TAFA4: variants seen among roughly 807,000 people sequenced by gnomAD.
TAFA4 encodes the protein chemokine-like protein TAFA-4.
Under a neutral mutation model 21.1 loss-of-function variants are expected in TAFA4, and 20 were observed. The ratio of observed to expected loss-of-function variants is 0.95; its 90% confidence interval spans 0.67 to 1.38. The LOEUF is 1.38. TAFA4 is among the 40% of genes most tolerant of loss of function. The probability of loss-of-function intolerance (pLI) is 0.00; values close to 1 mark genes in which losing one functional copy is unlikely to be tolerated. For synonymous variants in TAFA4, 71 were observed against 67.4 expected, an observed-to-expected ratio of 1.05 and a Z score of -0.26; for missense variants, 211 against 180.9, an observed-to-expected ratio of 1.17 and a Z score of -0.95.
At chr3:68,795,627 C>G (rs1232640967) in intron 3 of TAFA4, among the ~76,000 whole-genome samples, 3 of 152,116 alleles carry the variant, frequency 2.0e-5, no homozygotes, top group Non-Finnish European at 4.4e-5. Flanking sequence ...ATCTTGCCAC[C>G]ACATGGAACC....
intron 1 of TAFA4, among the ~76,000 whole-genome samples, chr3:68,886,630 T>C (rs1317810373): frequency 6.6e-6 from 1 of 152,048 alleles, no homozygotes; most frequent in Non-Finnish European, 1.5e-5. Flanking sequence ...GATCCATCAG[T>C]GGAAAGTAAT....
chr3:68,768,398 G>A (rs1455710732), intron 3 of TAFA4, among the ~76,000 whole-genome samples: 1 of 152,084 alleles, frequency 6.6e-6, no homozygotes. Context: ...GCCACAATGA[G>A]ACATCACCTC....
rs1358968037 is a variant in TAFA4, at chr3:68,821,344, T to C, written c.130+59386A>G. On this transcript the variant is annotated intron_variant, in intron 3 of 5. Transcript: ENST00000295569. Reference sequence around the variant, plus strand: ...CTCCCTGCTTTTTTTTTTTTTTTTTTTTTTTTTTTTTTTTTTTTTTTTGAG... The same window carrying C: ...CTCCCTGCTTTTTTTTTTTTTTTTTCTTTTTTTTTTTTTTTTTTTTTTGAG... Among the ~76,000 whole-genome samples the C allele has an allele frequency of 2.3e-4, 3 of 13,178 alleles. 1 individual carries two copies. The highest frequency in any genetic ancestry group is 8.4e-4 in the African/African-American group (2 of 2,374). 8.6% of individuals were successfully genotyped at this position (13,178 alleles called of 152,430 possible). A position where few individuals can be genotyped will look rare whatever the true frequency, so the allele number is the denominator to read the frequency against.
intron 1 of TAFA4, among the ~76,000 whole-genome samples, chr3:68,897,000 T>G (rs2089797132): frequency 6.6e-6 from 1 of 152,166 alleles, no homozygotes; most frequent in Non-Finnish European, 1.5e-5. Flanking sequence ...GCCTCCGGGT[T>G]TAAGTGATTC....
intron 1 of TAFA4, among the ~76,000 whole-genome samples, chr3:68,924,879 C>G (rs540391872): frequency 1.3e-5 from 2 of 152,246 alleles, no homozygotes; most frequent in Admixed American, 6.5e-5. Context: ...CTCTCTAACC[C>G]CCACTGGTAG....
chr3:68,746,928 G>GT (rs1054710966), intron 4 of TAFA4, among the ~76,000 whole-genome samples: 1 of 152,174 alleles, frequency 6.6e-6, no homozygotes, highest in African/African-American at 2.4e-5. Flanking sequence ...CCTGTACATT[G>GT]TAAGATGTAA....
At chr3:68,831,022 T>C (rs1175431754) in intron 3 of TAFA4, among the ~76,000 whole-genome samples, 1 of 152,232 alleles carries the variant, frequency 6.6e-6, no homozygotes, top group Admixed American at 6.5e-5. Flanking sequence ...CCTGTTTTTT[T>C]CTGCTTTCCA....
chr3:68,753,038 A>T lies in TAFA4; in HGVS notation c.131-20T>A. 6.2e-7 allele frequency: 1 copy of T among 1,608,680 alleles called. No homozygotes were observed. The highest frequency in any genetic ancestry group is 1.1e-5 in the South Asian group (1 of 90,680). ...GGTGACCTAGTTGGTAATGGGGGAG[A>T]AAAACAAACCCAGTGCTGTTAGAAG... On this transcript the variant is annotated intron_variant, in intron 3 of 5. Transcript: ENST00000295569.
intron 3 of TAFA4, among the ~76,000 whole-genome samples, chr3:68,798,812 T>A (rs1017111127): frequency 1.3e-5 from 2 of 152,184 alleles, no homozygotes; most frequent in African/African-American, 4.8e-5. Context: ...ATCAACTAAC[T>A]TTTTTAAGAG....
intron 1 of TAFA4, among the ~76,000 whole-genome samples, chr3:68,893,617 A>C (rs1177321732): frequency 6.6e-6 from 1 of 152,212 alleles, no homozygotes; most frequent in Non-Finnish European, 1.5e-5. Flanking sequence ...GCATTTTAGG[A>C]AAAGTACAGT....
At chr3:68,792,211 A>T (rs1703375073) in intron 3 of TAFA4, among the ~76,000 whole-genome samples, 1 of 152,252 alleles carries the variant, frequency 6.6e-6, no homozygotes, top group South Asian at 2.1e-4. Context: ...AAGAATAAGA[A>T]GTTAGCAGAC....
chr3:68,753,196 G>T (rs1258703947), intron 3 of TAFA4, among the ~76,000 whole-genome samples, 178 bp from the exon 4 acceptor site: 3 of 152,166 alleles, frequency 2.0e-5, no homozygotes, highest in African/African-American at 7.2e-5. Context: ...GGTGAGAAGA[G>T]TGCAAAAAGC....
intron 3 of TAFA4, among the ~76,000 whole-genome samples, chr3:68,874,408 C>G (rs141530799): frequency 2.0e-5 from 3 of 152,056 alleles, no homozygotes; most frequent in Non-Finnish European, 4.4e-5. Context: ...CTTCCTGCCC[C>G]GTCTCTACCC....
At chr3:68,736,009 C>G (rs531886496) in intron 5 of TAFA4, among the ~76,000 whole-genome samples, 1 of 152,158 alleles carries the variant, frequency 6.6e-6, no homozygotes, top group South Asian at 2.1e-4. Context: ...AAAATTGTCT[C>G]TGGTTGAGAA....
intron 3 of TAFA4, among the ~76,000 whole-genome samples, chr3:68,822,890 C>T (rs745729409): frequency 7.9e-5 from 12 of 152,184 alleles, no homozygotes; most frequent in Non-Finnish European, 1.8e-4. Context: ...ACTCATCTAT[C>T]CTGGTAAGTC....
intron 3 of TAFA4, among the ~76,000 whole-genome samples, chr3:68,854,034 A>G (rs1039462801): frequency 2.0e-5 from 3 of 152,196 alleles, no homozygotes; most frequent in African/African-American, 7.2e-5. Flanking sequence ...AATTATTTTC[A>G]TTGGAAAAAT....
At chr3:68,897,081 T>C (rs754005132) in intron 1 of TAFA4, among the ~76,000 whole-genome samples, 6 of 152,086 alleles carry the variant, frequency 3.9e-5, no homozygotes, top group Middle Eastern at 6.8e-3. Context: ...TTATGTATTT[T>C]AGTAGAGATG....
intron 3 of TAFA4, among the ~76,000 whole-genome samples, chr3:68,803,550 G>A (rs546264206): frequency 1.3e-3 from 201 of 152,190 alleles, no homozygotes; most frequent in African/African-American, 4.4e-3. Context: ...AAAACTCAAG[G>A]CAGGGAGGGA....
intron 3 of TAFA4, among the ~76,000 whole-genome samples, chr3:68,801,365 A>G (rs550989473): frequency 5.3e-5 from 8 of 152,276 alleles, no homozygotes; most frequent in African/African-American, 1.9e-4. Context: ...GAATTTTGCT[A>G]CAGCCTTTGG....
Sources: gnomAD v4.1 joint callset for allele counts (sites outside exome capture counted in the v4.1 genomes callset) on GRCh38, gnomAD v4.1.1 for gene constraint, MANE v1.5 for transcripts, NCBI Gene and HGNC (gene_info 2026-07-23, HGNC 2026-07-21) for gene names.